The following STOM variants were observed in gnomAD, a reference collection of about 807,000 sequenced individuals.
STOM encodes stomatin, also known as erythrocyte band 7 integral membrane protein.
A neutral mutation model predicts 30.6 loss-of-function variants in STOM; 25 were observed. The ratio of observed to expected loss-of-function variants is 0.82; its 90% CI spans 0.60 to 1.14. STOM has a LOEUF of 1.14. Among genes scored for constraint, STOM ranks in the 50% most tolerant of loss-of-function variants. The probability of loss-of-function intolerance (pLI) is 0.00; values close to 1 mark genes in which losing one functional copy is unlikely to be tolerated. For missense variants in STOM, 292 were observed against 365.2 expected (o/e 0.80, Z 1.63); for synonymous variants, 118 against 130.8 (o/e 0.90, Z 0.67).
intron 6 of STOM, 46 bp from the exon 7 acceptor site, chr9:121,341,454 G>A: frequency 6.2e-7 from 1 of 1,610,316 alleles, no homozygotes; most frequent in South Asian, 1.1e-5. Flanking sequence ...AAACCTCATG[G>A]GGACACACAG....
chr9:121,349,406 CT>C, intron 4 of STOM, 83 bp from the exon 5 acceptor site: 1 of 1,179,194 alleles, frequency 8.5e-7, no homozygotes, highest in Non-Finnish European at 1.2e-6. Flanking sequence ...TACAGAATAT[CT>C]TATAACACTA....
At chr9:121,350,171 C>A (rs1217996630) in intron 4 of STOM, among the ~76,000 whole-genome samples, 2 of 152,158 alleles carry the variant, frequency 1.3e-5, no homozygotes, top group Non-Finnish European at 2.9e-5. Flanking sequence ...AATAAACAAG[C>A]CAGCTGGGCA....
At chr9:121,366,847 C>G (rs1295570180) in intron 1 of STOM, among the ~76,000 whole-genome samples, 4 of 151,734 alleles carry the variant, frequency 2.6e-5, no homozygotes, top group Admixed American at 2.6e-4. Flanking sequence ...TCCCAGCACT[C>G]TGGGAGGGTA....
chr9:121,349,196 G>C lies in STOM; in HGVS notation c.449C>G (p.Thr150Ser). The change falls in exon 5 of 7, where the codon ACT becomes AGT. Residue 150 changes from threonine (T) to serine (S), a missense_variant. Coordinates refer to ENST00000286713, the MANE Select transcript of STOM (RefSeq NM_004099.6). ...DSATRLLAQT[T>S]LRNVLGTKNL... ...CTTGGTGCCCAGAACATTCCTCAGA[G>C]TAGTTTGTGCCAAAAGACGGGTTGC... 6.2e-7 allele frequency: 1 copy of C among 1,614,178 alleles called. No homozygotes were observed. The highest frequency in any genetic ancestry group is 8.5e-7 in the Non-Finnish European group (1 of 1,180,024).
intron 1 of STOM, among the ~76,000 whole-genome samples, chr9:121,363,260 G>C (rs1228956540): frequency 1.3e-5 from 2 of 152,202 alleles, no homozygotes; most frequent in African/African-American, 2.4e-5. Flanking sequence ...AGACAGAAAG[G>C]CTGGAAGTTT....
chr9:121,366,165 C>T (rs1351055313), intron 1 of STOM: 1 of 985,190 alleles, frequency 1.0e-6, no homozygotes, highest in Non-Finnish European at 1.2e-6. Flanking sequence ...TTTTCATTGT[C>T]TGAGACTTTA....
chr9:121,344,949 C>T (rs938280061), intron 6 of STOM, among the ~76,000 whole-genome samples: 4 of 152,164 alleles, frequency 2.6e-5, no homozygotes, highest in African/African-American at 7.2e-5. Context: ...CAGAGAAACA[C>T]GTAGGAGAAT....
chr9:121,342,314 A>C (rs571452401), intron 6 of STOM, among the ~76,000 whole-genome samples: 23 of 151,942 alleles, frequency 1.5e-4, no homozygotes, highest in African/African-American at 4.8e-4. Flanking sequence ...CAGTGAGCCG[A>C]GATCATGCCA....
At chr9:121,366,781 A>G (rs575977260) in intron 1 of STOM, among the ~76,000 whole-genome samples, 2 of 152,202 alleles carry the variant, frequency 1.3e-5, no homozygotes, top group Admixed American at 1.3e-4. Context: ...GAAGGACACA[A>G]TCTCTATTTT....
rs370355753 is a variant in STOM, at chr9:121,341,354, T to C, written c.715A>G (p.Met239Val). The change falls in exon 7 of 7, where the codon ATG (methionine) becomes GTG (valine). Residue 239 changes from methionine (M) to valine (V), a missense_variant. By Grantham distance (21) the Met-to-Val change is conservative. Coordinates refer to ENST00000286713, the MANE Select transcript of STOM (RefSeq NM_004099.6). ...GCTGCAGGAGATTCAGTGATGACCA[T>C]GGAGGCTTCTTTCAGAGCCCTGGAT... is the stretch of plus-strand genomic sequence containing the variant. The part of the protein sequence containing the change: ...NASRALKEAS[M>V]VITESPAALQ... 3.1e-6 allele frequency: 5 copies of C among 1,614,052 alleles called. No individual in the cohort carries two copies. In the South Asian group the frequency reaches 3.3e-5, roughly 11 times the overall value.
intron 1 of STOM, 48 bp downstream of exon 1, chr9:121,370,079 G>A (rs1362601276): frequency 2.0e-6 from 3 of 1,490,166 alleles, no homozygotes; most frequent in South Asian, 2.4e-5. Context: ...CGCACGCTGC[G>A]GGCGGGGGCT....
In STOM at chr9:121,370,103, A is replaced by G. The variant is rs1589303150; in HGVS notation, c.61+24T>C. On this transcript the variant is annotated intron_variant, in intron 1 of 6. Coordinates refer to ENST00000286713, the MANE Select transcript of STOM (RefSeq NM_004099.6). ...CGGGCGGGGGCTCGGTCCACGGGGG[A>G]GGGTCAGGGGACGCGGGACTCACCC... The G allele has an allele frequency of 2.6e-6, 4 of 1,530,444 alleles. No individual in the cohort carries two copies. In the South Asian group the frequency reaches 3.6e-5, roughly 14 times the overall value. The allele number at this position is 1,530,444 out of a possible 1,614,324, so 94.8% of individuals were successfully genotyped here. A position where few individuals can be genotyped will look rare whatever the true frequency, so the allele number is the denominator to read the frequency against.
At chr9:121,359,449 T>C (rs891915263) in intron 1 of STOM, among the ~76,000 whole-genome samples, 1 of 152,102 alleles carries the variant, frequency 6.6e-6, no homozygotes, top group Non-Finnish European at 1.5e-5. Context: ...AGTTATAATT[T>C]AGGGGGTACA....
At position 121,354,576 on chromosome 9, in the gene STOM, A is replaced by T. The variant is rs780243006; in HGVS notation, c.238+25T>A. 1.9e-5 allele frequency: 30 copies of T among 1,548,538 alleles called. No individual in the cohort carries two copies. The African/African-American group carries it at 4.1e-4, about 21-fold the overall frequency. ...TAAAAAGAACTTTAGTTTTCAGATA[A>T]ACAATCTAGAATCCCAGTACTGACC... On this transcript the variant is annotated intron_variant, in intron 3 of 6. Coordinates refer to ENST00000286713, the MANE Select transcript of STOM (RefSeq NM_004099.6).
Position 121,340,877 on chromosome 9 carries a change from C to T in STOM, c.*325G>A. The T allele has an allele frequency of 8.7e-7, 1 of 1,152,250 alleles. No individual in the cohort carries two copies. Among genetic ancestry groups the T allele is most frequent in the African/African-American group, 1.6e-5 (1 of 63,114 alleles). The allele number at this position is 1,152,250 out of a possible 1,614,324, so 71.4% of individuals were successfully genotyped here. On this transcript the variant is annotated 3_prime_UTR_variant, in exon 7 of 7. Coordinates refer to ENST00000286713, the MANE Select transcript of STOM (RefSeq NM_004099.6). ...CAGCGGTGTCAGGTGGCAGTTACAG[C>T]CCAGGTTCTTGCCTCTGGCCTGGGT...
intron 6 of STOM, among the ~76,000 whole-genome samples, chr9:121,346,849 TA>T (rs1257579607): frequency 6.6e-6 from 1 of 152,206 alleles, no homozygotes; most frequent in African/African-American, 2.4e-5. Context: ...GTTTGTGGCT[TA>T]AAGGGCATCC....
Position 121,356,622 on chromosome 9 carries a change from G to A in STOM, c.62-466C>T, listed in dbSNP as rs144287362. 2.5e-3 allele frequency among the ~76,000 whole-genome samples: 379 copies of A among 152,274 alleles called. 3 individuals are homozygous for A. The highest frequency in any genetic ancestry group is 2.3e-3 in the Non-Finnish European group (154 of 68,022). On this transcript the variant is annotated intron_variant, in intron 1 of 6. Transcript: ENST00000286713. ...GATGGAGGTGAGAAAGGAATGGGGCGGGGAGGTGATTCAGGTGGCTGTCAG... is the reference window on the plus strand; with the variant it reads ...GATGGAGGTGAGAAAGGAATGGGGCAGGGAGGTGATTCAGGTGGCTGTCAG...
chr9:121,353,409 A>T, intron 3 of STOM, 107 bp from the exon 4 acceptor site: 1 of 571,146 alleles, frequency 1.8e-6, no homozygotes, highest in Non-Finnish European at 3.0e-6. Context: ...TCACCAGTTC[A>T]TCTTCGTGAA....
chr9:121,348,183 T>C (rs2064306643), intron 5 of STOM, 34 bp from the exon 6 acceptor site: 1 of 1,613,514 alleles, frequency 6.2e-7, no homozygotes, highest in African/African-American at 1.3e-5. Flanking sequence ...CTAAATCTCC[T>C]CAGCCCAGCC....
Sources: gnomAD v4.1 joint callset for allele counts (sites outside exome capture counted in the v4.1 genomes callset) on GRCh38, gnomAD v4.1.1 for gene constraint, MANE v1.5 for transcripts, NCBI Gene and HGNC (gene_info 2026-07-23, HGNC 2026-07-21) for gene names.